The following TFB1M variants were observed in gnomAD, a reference collection of about 807,000 sequenced individuals.
The protein encoded by TFB1M is dimethyladenosine transferase 1, mitochondrial.
TFB1M carries 27 observed loss-of-function variants against 31.1 expected under a neutral mutation model. The observed-to-expected ratio is 0.87, with a 90% CI of 0.64 to 1.20. TFB1M has a LOEUF of 1.20. Among genes scored for constraint, TFB1M ranks in the 50% most tolerant of loss-of-function variants. The pLI, the probability that TFB1M is intolerant of heterozygous loss-of-function variation, is 0.00. For missense variants in TFB1M, 394 were observed against 418.7 expected (o/e 0.94, Z 0.51); for synonymous variants, 166 against 151.8 (o/e 1.09, Z -0.69).
intron 5 of TFB1M, among the ~76,000 whole-genome samples, chr6:155,268,139 A>G (rs183314438): frequency 2.0e-5 from 3 of 152,078 alleles, no homozygotes; most frequent in East Asian, 3.9e-4. Context: ...CAATATCTCT[A>G]CTCATCTAGT....
At chr6:155,264,158 G>A (rs1784518064) in intron 5 of TFB1M, 1 of 152,146 alleles carries the variant, frequency 6.6e-6, no homozygotes, top group Non-Finnish European at 1.5e-5. Flanking sequence ...TAAAACAACG[G>A]AGCAAGATGA....
intron 2 of TFB1M, among the ~76,000 whole-genome samples, chr6:155,303,869 AAAGT>A (rs1422778606): frequency 6.6e-6 from 1 of 152,186 alleles, no homozygotes; most frequent in Non-Finnish European, 1.5e-5. Context: ...TGCAGATGAG[AAAGT>A]TGAAGCTAAA....
downstream of TFB1M, chr6:155,254,227 A>G (rs993040678): frequency 2.1e-5 from 21 of 995,816 alleles, no homozygotes; most frequent in South Asian, 6.9e-5. Flanking sequence ...TGTTGATTAA[A>G]TAAATATCAA....
intron 1 of TFB1M, among the ~76,000 whole-genome samples, chr6:155,311,830 G>A (rs1778028454): frequency 6.6e-6 from 1 of 152,138 alleles, no homozygotes; most frequent in Non-Finnish European, 1.5e-5. Flanking sequence ...CATCTTGGTG[G>A]TGGTCACTAT....
chr6:155,306,879 G>A (rs1327994833), intron 2 of TFB1M, among the ~76,000 whole-genome samples: 1 of 152,112 alleles, frequency 6.6e-6, no homozygotes, highest in African/African-American at 2.4e-5. Context: ...CCAGCATCTT[G>A]GGAGACTGAG....
chr6:155,305,236 AAT>A (rs1582878569), intron 2 of TFB1M, among the ~76,000 whole-genome samples: 139 of 35,798 alleles, frequency 3.9e-3, no homozygotes, highest in South Asian at 5.2e-3. Flanking sequence ...ATATATATTA[AAT>A]TATATATTTA....
chr6:155,294,605 C>A (rs951151364), intron 4 of TFB1M, among the ~76,000 whole-genome samples: 1 of 152,190 alleles, frequency 6.6e-6, no homozygotes, highest in Non-Finnish European at 1.5e-5. Context: ...AAAGAAAACA[C>A]AATGACATTC....
At chr6:155,251,927 C>T (rs751738804), downstream of TFB1M, 6 of 1,587,238 alleles carry the variant, frequency 3.8e-6, no homozygotes, top group Admixed American at 1.7e-5. Flanking sequence ...GACTTTCTTT[C>T]TCTTTTCCTT....
intron 2 of TFB1M, among the ~76,000 whole-genome samples, chr6:155,307,179 A>G (rs1436710739): frequency 6.6e-6 from 1 of 152,090 alleles, no homozygotes; most frequent in Admixed American, 6.6e-5. Flanking sequence ...ATACACACAG[A>G]CAAATCCTCA....
intron 1 of TFB1M, 24 bp downstream of exon 1, chr6:155,314,272 G>T: frequency 6.2e-7 from 1 of 1,612,520 alleles, no homozygotes; most frequent in Non-Finnish European, 8.5e-7. Context: ...GGAGACATCC[G>T]GGGAGCACTG....
intron 2 of TFB1M, among the ~76,000 whole-genome samples, chr6:155,305,479 A>G (rs1426309398): frequency 3.3e-5 from 1 of 30,750 alleles, no homozygotes; most frequent in African/African-American, 1.4e-4. Context: ...ATATATATTA[A>G]ATTATATATA....
the TFB1M span, among the ~76,000 whole-genome samples, chr6:155,241,345 G>A: frequency 2.0e-5 from 3 of 152,188 alleles, no homozygotes; most frequent in Admixed American, 2.0e-4. Flanking sequence ...GTTTCCTGGA[G>A]CTTTGGTACC....
intron 5 of TFB1M, among the ~76,000 whole-genome samples, chr6:155,265,503 CAGA>C (rs33940747): frequency 0.66 from 98,755 of 150,640 alleles, 33,105 homozygotes; most frequent in East Asian, 0.98. Flanking sequence ...AAGGCTGGGA[CAGA>C]AGAAGAACAT....
chr6:155,266,953 C>G (rs1474765359), intron 5 of TFB1M, among the ~76,000 whole-genome samples: 1 of 146,404 alleles, frequency 6.8e-6, no homozygotes, highest in African/African-American at 2.5e-5. Flanking sequence ...GAAGAGAACT[C>G]TAGAATACTT....
rs137965037 is a variant in TFB1M, at chr6:155,258,408, T to C, written c.795-326A>G. The stretch of plus-strand genomic sequence containing the variant: ...CATTCTTGTAGAAACATAAGCTTGA[T>C]GTGCCTCATGTTTCAATGTGAAAGT... On this transcript the variant is annotated intron_variant, in intron 6 of 6. Transcript: ENST00000367166. Among the ~76,000 whole-genome samples the C allele has an allele frequency of 5.5e-3, 841 of 152,344 alleles. 13 individuals carry two copies. The highest frequency in any genetic ancestry group is 0.051 in the South Asian group (248 of 4,828).
chr6:155,292,485 C>G (rs1284116853), intron 4 of TFB1M, among the ~76,000 whole-genome samples: 1 of 152,060 alleles, frequency 6.6e-6, no homozygotes, highest in Non-Finnish European at 1.5e-5. Flanking sequence ...TTGTAACATG[C>G]AGGGCGTTGG....
chr6:155,285,205 G>C lies in TFB1M; in HGVS notation c.619C>G (p.Arg207Gly), dbSNP rs769068618. 2 of 1,613,926 alleles carry C rather than the reference G, an allele frequency of 1.2e-6. No individual in the cohort carries two copies. The highest frequency in any genetic ancestry group is 2.2e-5 in the East Asian group (1 of 44,874). Residue 207 changes from arginine to glycine, a missense_variant, in exon 5 of 7, where the codon CGA (arginine) becomes GGA (glycine). Arg to Gly is a moderately radical substitution (Grantham distance 125). Coordinates refer to ENST00000367166, the MANE Select transcript of TFB1M (RefSeq NM_016020.4). ...TGTCCTGGAATCGTAAAGATGTGTC[G>C]AACATTGCAGAGGTACTGAGCCATA... ...SVMAQYLCNV[R>G]HIFTIPGQAF...
chr6:155,245,633 T>C, the TFB1M span: 2 of 1,613,978 alleles, frequency 1.2e-6, no homozygotes, highest in Non-Finnish European at 1.7e-6. Flanking sequence ...AAATTACTGT[T>C]TTCCCTTGGA....
At chr6:155,301,624 T>G (rs567958003) in intron 2 of TFB1M, among the ~76,000 whole-genome samples, 10 of 152,202 alleles carry the variant, frequency 6.6e-5, no homozygotes, top group Non-Finnish European at 1.0e-4. Flanking sequence ...ACAGACACTC[T>G]CAAACTCTTC....
Sources: gnomAD v4.1 joint callset for allele counts (sites outside exome capture counted in the v4.1 genomes callset) on GRCh38, gnomAD v4.1.1 for gene constraint, MANE v1.5 for transcripts, NCBI Gene and HGNC (gene_info 2026-07-23, HGNC 2026-07-21) for gene names.